The following SGMS1 variants were observed in gnomAD, a reference collection of about 807,000 sequenced individuals.
SGMS1 encodes the protein phosphatidylcholine:ceramide cholinephosphotransferase 1.
A neutral mutation model predicts 46.2 loss-of-function variants in SGMS1; 13 were observed. That is an observed-to-expected ratio of 0.28 (90% CI 0.18 to 0.45). The LOEUF (loss-of-function observed/expected upper bound fraction) is 0.45, where lower values mean the gene tolerates loss of function less well. Among genes scored for constraint, SGMS1 ranks in the 20% least tolerant of loss-of-function variants. The probability of loss-of-function intolerance (pLI) is 1.00; values close to 1 mark genes in which losing one functional copy is unlikely to be tolerated. For missense variants in SGMS1, 324 were observed against 519.9 expected (o/e 0.62, Z 3.66); for synonymous variants, 203 against 187.8 (o/e 1.08, Z -0.66).
At chr10:50,556,810 A>G (rs903787868) in intron 2 of SGMS1, among the ~76,000 whole-genome samples, 5 of 152,210 alleles carry the variant, frequency 3.3e-5, no homozygotes, top group African/African-American at 1.2e-4. Context: ...TTGCTTAGCA[A>G]TCAACATCAA....
intron 4 of SGMS1, among the ~76,000 whole-genome samples, chr10:50,464,542 C>T (rs1242531483): frequency 6.6e-6 from 1 of 152,240 alleles, no homozygotes; most frequent in Non-Finnish European, 1.5e-5. Flanking sequence ...AAATGATTCT[C>T]ATGCCTCAGC....
intron 2 of SGMS1, among the ~76,000 whole-genome samples, chr10:50,554,378 CA>C (rs750341355): frequency 3.9e-5 from 6 of 152,092 alleles, no homozygotes; most frequent in Non-Finnish European, 7.4e-5. Flanking sequence ...CAAGCCTAAG[CA>C]AATGAAAAAT....
intron 3 of SGMS1, among the ~76,000 whole-genome samples, chr10:50,513,635 C>A (rs1440058319): frequency 6.6e-6 from 1 of 152,126 alleles, no homozygotes; most frequent in Non-Finnish European, 1.5e-5. Flanking sequence ...AATAATGTAT[C>A]TAAAGATGAG....
At chr10:50,345,602 A>G (rs1348719995) in intron 6 of SGMS1, among the ~76,000 whole-genome samples, 2 of 152,210 alleles carry the variant, frequency 1.3e-5, no homozygotes, top group African/African-American at 4.8e-5. Context: ...AACTATGGCT[A>G]ACTATGGTAC....
At chr10:50,583,814 C>A (rs889650079) in intron 2 of SGMS1, among the ~76,000 whole-genome samples, 2 of 152,180 alleles carry the variant, frequency 1.3e-5, no homozygotes, top group African/African-American at 4.8e-5. Context: ...TCAGTACTTT[C>A]CCCTCTCTAA....
At chr10:50,372,715 C>G (rs1274895514) in intron 6 of SGMS1, among the ~76,000 whole-genome samples, 1 of 63,736 alleles carries the variant, frequency 1.6e-5, no homozygotes, top group Non-Finnish European at 3.6e-5. Context: ...AAAACACACA[C>G]AGCTAAGATT....
rs191743316 is a variant in SGMS1 at position 50,526,227 on chromosome 10, C to T, written c.-588-6306G>A. Among the ~76,000 whole-genome samples, 76 of 152,234 alleles carry T rather than the reference C, an allele frequency of 5.0e-4. No homozygotes were observed. In the East Asian group the frequency reaches 8.7e-3, roughly 17 times the overall value. Reference sequence around the variant, plus strand: ...GAAGGCCTCAGGAAACTTACAATCACGGCAGAAGGCGAAAGGGAAGCAAGC... The same window carrying T: ...GAAGGCCTCAGGAAACTTACAATCATGGCAGAAGGCGAAAGGGAAGCAAGC... On this transcript the variant is annotated intron_variant, in intron 2 of 10. Coordinates refer to ENST00000361781, the MANE Select transcript of SGMS1 (RefSeq NM_147156.4).
intron 4 of SGMS1, among the ~76,000 whole-genome samples, chr10:50,463,425 A>T (rs529955423): frequency 6.6e-6 from 1 of 152,380 alleles, no homozygotes; most frequent in South Asian, 2.1e-4. Flanking sequence ...GATGCTTAAC[A>T]TCCCTAATCA....
intron 1 of SGMS1, among the ~76,000 whole-genome samples, chr10:50,607,715 T>C (rs868467914): frequency 1.3e-5 from 2 of 152,192 alleles, no homozygotes; most frequent in East Asian, 3.9e-4. Flanking sequence ...TCCAGATATA[T>C]TCTCCTTCAA....
intron 3 of SGMS1, among the ~76,000 whole-genome samples, chr10:50,489,633 T>A (rs1837551299): frequency 6.6e-6 from 1 of 152,186 alleles, no homozygotes; most frequent in Non-Finnish European, 1.5e-5. Flanking sequence ...CTCAATTACA[T>A]CAACCCTCCA....
chr10:50,402,536 G>C (rs1199576627), intron 6 of SGMS1, among the ~76,000 whole-genome samples: 1 of 152,068 alleles, frequency 6.6e-6, no homozygotes, highest in Non-Finnish European at 1.5e-5. Context: ...CCCTTCATAG[G>C]ATATCATTAA....
At chr10:50,350,121 G>A (rs150811505) in intron 6 of SGMS1, among the ~76,000 whole-genome samples, 8 of 152,228 alleles carry the variant, frequency 5.3e-5, no homozygotes, top group Non-Finnish European at 8.8e-5. Context: ...CTCAGATGGA[G>A]ATGAGGAACT....
chr10:50,344,446 G>A (rs1292376662), intron 6 of SGMS1, 101 bp from the exon 7 acceptor site: 1 of 225,922 alleles, frequency 4.4e-6, no homozygotes, highest in East Asian at 9.3e-5. Context: ...ACCAGTTATT[G>A]GTAAACTTAA....
chr10:50,346,398 A>C (rs757910860), intron 6 of SGMS1, among the ~76,000 whole-genome samples: 2 of 152,168 alleles, frequency 1.3e-5, no homozygotes, highest in Non-Finnish European at 2.9e-5. Flanking sequence ...TTTTTTCTCA[A>C]ATGATGACTG....
At chr10:50,574,963 G>GTATATATATA (rs143713324) in intron 2 of SGMS1, among the ~76,000 whole-genome samples, 23,819 of 99,520 alleles carry the variant, frequency 0.24, 3,412 homozygotes, top group Admixed American at 0.3. Context: ...AAAATGTGGT[G>GTATATATATA]TATATATATA....
chr10:50,369,714 G>C (rs935972495), intron 6 of SGMS1, among the ~76,000 whole-genome samples: 6 of 152,152 alleles, frequency 3.9e-5, no homozygotes, highest in African/African-American at 1.4e-4. Flanking sequence ...AAAAGAACCA[G>C]TTTCAACAAA....
At chr10:50,575,720 T>C (rs1838378633) in intron 2 of SGMS1, among the ~76,000 whole-genome samples, 1 of 152,018 alleles carries the variant, frequency 6.6e-6, no homozygotes, top group Non-Finnish European at 1.5e-5. Context: ...TCCAAACTCA[T>C]CAAATTGTAT....
At chr10:50,407,444 A>ATT (rs1374331701) in intron 6 of SGMS1, among the ~76,000 whole-genome samples, 1 of 152,050 alleles carries the variant, frequency 6.6e-6, no homozygotes, top group Non-Finnish European at 1.5e-5. Context: ...AGAAAGGGAG[A>ATT]AGCCACCAGG....
intron 7 of SGMS1, among the ~76,000 whole-genome samples, chr10:50,338,327 C>G (rs1847751625): frequency 6.6e-6 from 1 of 152,176 alleles, no homozygotes; most frequent in Non-Finnish European, 1.5e-5. Flanking sequence ...CTAATATACC[C>G]TGTGACATCT....
Sources: gnomAD v4.1 joint callset for allele counts (sites outside exome capture counted in the v4.1 genomes callset) on GRCh38, gnomAD v4.1.1 for gene constraint, MANE v1.5 for transcripts, NCBI Gene and HGNC (gene_info 2026-07-23, HGNC 2026-07-21) for gene names.